Variants in APP observed in about 807,000 individuals in gnomAD.
APP encodes amyloid beta precursor protein.
Under a neutral mutation model 101.4 loss-of-function variants are expected in APP, and 31 were observed. That is an observed-to-expected ratio of 0.31 (90% CI 0.23 to 0.41). The LOEUF is 0.41. APP is among the 10% of genes least tolerant of loss of function. The pLI is 1.00. For missense variants in APP, 839 were observed against 1,003.7 expected (o/e 0.84, Z 2.22); for synonymous variants, 366 against 364.4 (o/e 1.00, Z -0.05).
chr21:25,960,975 C>A (rs1601035555), intron 11 of APP, among the ~76,000 whole-genome samples: 1 of 152,080 alleles, frequency 6.6e-6, no homozygotes, highest in South Asian at 2.1e-4. Context: ...TTATCTCTAT[C>A]CCTCAGAAAC....
In APP at chr21:25,905,032, G is replaced by A. The variant is rs1198381843; in HGVS notation, c.1955C>T (p.Thr652Ile). ...TCAAGCGGTTCTGATACCTGGTCGA[G>A]TGGTCAGTCCTCGGTCGGCAGCAGG... ...ARPAADRGLT[T>I]RPGSGLTNIK... The change falls in exon 15 of 18, where the codon ACT (threonine) becomes ATT (isoleucine). Residue 652 changes from threonine (T) to isoleucine (I), a missense_variant. Coordinates refer to ENST00000346798, the MANE Select transcript of APP (RefSeq NM_000484.4). 1.2e-6 allele frequency: 2 copies of A among 1,613,888 alleles called. No individual in the cohort carries two copies. Among genetic ancestry groups the A allele is most frequent in the Non-Finnish European group, 1.7e-6 (2 of 1,179,908 alleles).
chr21:26,075,464 G>A (rs766435980), intron 3 of APP, among the ~76,000 whole-genome samples: 9 of 152,042 alleles, frequency 5.9e-5, no homozygotes, highest in African/African-American at 1.2e-4. Flanking sequence ...AGTAAAATTC[G>A]AAGATGACCA....
Position 25,891,817 on chromosome 21 carries a change from T to G in APP, c.2116A>C (p.Met706Leu). The change falls in exon 17 of 18, where the codon ATG becomes CTG. Residue 706 changes from methionine (M) to leucine (L), a missense_variant. Physicochemically the swap from Met to Leu is conservative, Grantham distance 15. Coordinates refer to ENST00000346798, the MANE Select transcript of APP (RefSeq NM_000484.4). ...GTCGCTATGACAACACCGCCCACCATGAGTCCAATGATTGCACCTTTGTTT... is the reference window on the plus strand; with the variant it reads ...GTCGCTATGACAACACCGCCCACCAGGAGTCCAATGATTGCACCTTTGTTT... Reference protein sequence around the residue: ...GSNKGAIIGLMVGGVVIATVI... With the variant: ...GSNKGAIIGLLVGGVVIATVI... 6.2e-7 allele frequency: 1 copy of G among 1,614,082 alleles called. No individual in the cohort carries two copies. The highest frequency in any genetic ancestry group is 8.5e-7 in the Non-Finnish European group (1 of 1,179,988).
chr21:26,073,116 C>G (rs1192988236), intron 3 of APP, among the ~76,000 whole-genome samples: 1 of 152,038 alleles, frequency 6.6e-6, no homozygotes, highest in Non-Finnish European at 1.5e-5. Context: ...AACCACTGCA[C>G]TTATGAGATC....
chr21:26,072,005 G>A (rs929381673), intron 3 of APP, among the ~76,000 whole-genome samples: 1 of 152,150 alleles, frequency 6.6e-6, no homozygotes, highest in Non-Finnish European at 1.5e-5. Flanking sequence ...GGATATTTCA[G>A]GGCCTTCGCT....
intron 7 of APP, among the ~76,000 whole-genome samples, chr21:25,998,871 C>T (rs192922045): frequency 6.6e-6 from 1 of 152,206 alleles, no homozygotes; most frequent in Non-Finnish European, 1.5e-5. Flanking sequence ...AGTCTCACAT[C>T]TGGTACTGGA....
intron 16 of APP, among the ~76,000 whole-genome samples, chr21:25,897,314 C>T (rs779373377): frequency 3.9e-5 from 6 of 152,140 alleles, no homozygotes; most frequent in African/African-American, 7.2e-5. Context: ...TGGGGTTTCA[C>T]CATATTGGCC....
chr21:25,891,221 G>GA, intron 17 of APP, among the ~76,000 whole-genome samples: 2 of 152,214 alleles, frequency 1.3e-5, no homozygotes, highest in Middle Eastern at 6.8e-3. Flanking sequence ...GATTTCCTGA[G>GA]AAACTTTAAA....
At chr21:25,916,912 G>A (rs149013376) in intron 13 of APP, among the ~76,000 whole-genome samples, 96 of 152,220 alleles carry the variant, frequency 6.3e-4, no homozygotes, top group African/African-American at 2.2e-3. Context: ...CAATAACAGA[G>A]GTATTTAATT....
At chr21:26,095,165 G>C (rs1288398789) in intron 2 of APP, among the ~76,000 whole-genome samples, 1 of 152,042 alleles carries the variant, frequency 6.6e-6, no homozygotes, top group Non-Finnish European at 1.5e-5. Flanking sequence ...TTAAGAAAGA[G>C]ATAGGGTCAT....
chr21:25,980,548 A>G (rs1214296762), intron 9 of APP, among the ~76,000 whole-genome samples: 1 of 152,202 alleles, frequency 6.6e-6, no homozygotes, highest in African/African-American at 2.4e-5. Flanking sequence ...GTGGGCAGCC[A>G]CTAGAACTGC....
At chr21:25,971,072 GGA>G (rs1252314181) in intron 11 of APP, among the ~76,000 whole-genome samples, 3 of 150,238 alleles carry the variant, frequency 2.0e-5, no homozygotes, top group Middle Eastern at 3.4e-3. Context: ...TTTTTGAGAT[GGA>G]GTCTTGCTCT....
intron 2 of APP, among the ~76,000 whole-genome samples, chr21:26,111,375 T>A (rs919200718): frequency 1.4e-4 from 22 of 151,738 alleles, no homozygotes; most frequent in Non-Finnish European, 2.5e-4. Context: ...CAGAAAAAAA[T>A]TAATGCTAGC....
At chr21:25,927,346 G>GC (rs397725775) in intron 13 of APP, among the ~76,000 whole-genome samples, 4 of 112 alleles carry the variant, frequency 0.036, no homozygotes, top group East Asian at 0.33. Context: ...ATGGCCAGAA[G>GC]TTTCACCAAC....
intron 3 of APP, among the ~76,000 whole-genome samples, chr21:26,076,660 T>C (rs1196203061): frequency 6.6e-6 from 1 of 152,192 alleles, no homozygotes; most frequent in East Asian, 1.9e-4. Flanking sequence ...TCTTGTGAAG[T>C]TGAGATATAG....
At chr21:25,950,960 T>A (rs1412575559) in intron 13 of APP, among the ~76,000 whole-genome samples, 1 of 152,174 alleles carries the variant, frequency 6.6e-6, no homozygotes, top group African/African-American at 2.4e-5. Flanking sequence ...CAGAAGGACA[T>A]GAGTGTTATA....
At chr21:26,120,318 T>C (rs941037126) in intron 1 of APP, among the ~76,000 whole-genome samples, 2 of 152,150 alleles carry the variant, frequency 1.3e-5, no homozygotes, top group African/African-American at 2.4e-5. Flanking sequence ...CATACCACCA[T>C]ACCTGGCTAA....
At chr21:25,994,969 C>A (rs1451457088) in intron 8 of APP, among the ~76,000 whole-genome samples, 2 of 152,144 alleles carry the variant, frequency 1.3e-5, no homozygotes, top group Admixed American at 1.3e-4. Flanking sequence ...TGTAGGCAGA[C>A]AAGAAAATAT....
At chr21:25,981,220 C>T (rs541988928) in intron 9 of APP, among the ~76,000 whole-genome samples, 2 of 152,322 alleles carry the variant, frequency 1.3e-5, no homozygotes, top group South Asian at 4.1e-4. Flanking sequence ...GATTAATTGT[C>T]TACTAAAGAC....
Sources: gnomAD v4.1 joint callset for allele counts (sites outside exome capture counted in the v4.1 genomes callset) on GRCh38, gnomAD v4.1.1 for gene constraint, MANE v1.5 for transcripts, NCBI Gene and HGNC (gene_info 2026-07-23, HGNC 2026-07-21) for gene names.